The following FHIT variants were observed in gnomAD, a reference collection of about 807,000 sequenced individuals.
FHIT encodes the protein fragile histidine triad diadenosine triphosphatase.
Under a neutral mutation model 17.9 loss-of-function variants are expected in FHIT, and 19 were observed. The ratio of observed to expected loss-of-function variants is 1.06; its 90% confidence interval spans 0.74 to 1.56. The LOEUF is 1.56. FHIT is among the 40% of genes most tolerant of loss of function. The pLI, the probability that FHIT is intolerant of heterozygous loss-of-function variation, is 0.00. For missense variants in FHIT, 248 were observed against 189.2 expected (o/e 1.31, Z -1.82); for synonymous variants, 81 against 69.7 (o/e 1.16, Z -0.81).
chr3:59,820,981 T>G (rs1443349968), intron 8 of FHIT, among the ~76,000 whole-genome samples: 1 of 152,162 alleles, frequency 6.6e-6, no homozygotes, highest in Non-Finnish European at 1.5e-5. Flanking sequence ...AAGATGTTTA[T>G]GGGAAGGTGA....
chr3:60,140,300 C>T (rs1392569876), intron 5 of FHIT, among the ~76,000 whole-genome samples: 9 of 152,148 alleles, frequency 5.9e-5, no homozygotes, highest in Non-Finnish European at 1.2e-4. Flanking sequence ...ACCACAGCTA[C>T]TCCCCTCACA....
rs184630804 is a variant in FHIT at position 60,012,065 on chromosome 3, C to A, written c.250-665G>T. On this transcript the variant is annotated intron_variant, in intron 6 of 9. Coordinates refer to ENST00000492590, the MANE Select transcript of FHIT (RefSeq NM_002012.4). Reference sequence around the variant, plus strand: ...AATCAGAAATTCCAAAATAGAATTTCACCTCTGCAACTTTAGCCAGGTTTG... The same window carrying A: ...AATCAGAAATTCCAAAATAGAATTTAACCTCTGCAACTTTAGCCAGGTTTG... Among the ~76,000 whole-genome samples, 18 of 152,178 alleles carry A rather than the reference C, an allele frequency of 1.2e-4. No individual in the cohort carries two copies. The East Asian group carries it at 3.5e-3, about 29-fold the overall frequency.
intron 4 of FHIT, among the ~76,000 whole-genome samples, chr3:60,665,582 T>C (rs930201485): frequency 1.1e-4 from 17 of 152,124 alleles, no homozygotes; most frequent in African/African-American, 4.1e-4. Flanking sequence ...CAGATACTAG[T>C]ATAAGCACTC....
intron 8 of FHIT, among the ~76,000 whole-genome samples, chr3:59,839,268 A>G (rs1352851318): frequency 6.6e-6 from 1 of 151,478 alleles, no homozygotes; most frequent in Non-Finnish European, 1.5e-5. Flanking sequence ...CAGTGAGCTG[A>G]GATCATGCCA....
chr3:60,207,168 G>A (rs958629587), intron 5 of FHIT, among the ~76,000 whole-genome samples: 1 of 145,188 alleles, frequency 6.9e-6, no homozygotes, highest in African/African-American at 2.5e-5. Flanking sequence ...GTGTCAGTGT[G>A]CGTGTGTGTG....
intron 2 of FHIT, among the ~76,000 whole-genome samples, chr3:61,126,191 C>G (rs980739881): frequency 5.3e-5 from 8 of 152,002 alleles, no homozygotes; most frequent in Non-Finnish European, 1.0e-4. Context: ...CAGGCATCTA[C>G]TTGAGCCAGA....
chr3:60,917,419 T>G (rs985673037), intron 3 of FHIT, among the ~76,000 whole-genome samples: 1 of 152,238 alleles, frequency 6.6e-6, no homozygotes, highest in South Asian at 2.1e-4. Context: ...AATGATTTTC[T>G]AAAAAATATA....
At chr3:60,269,890 A>G (rs923537678) in intron 5 of FHIT, among the ~76,000 whole-genome samples, 1 of 152,238 alleles carries the variant, frequency 6.6e-6, no homozygotes, top group African/African-American at 2.4e-5. Context: ...TTACACCCCT[A>G]TGGGTGAACA....
rs1553664634 is a variant in FHIT, at chr3:60,592,268, C to CTCTA, written c.-17-55290_-17-55289insTAGA. Among the ~76,000 whole-genome samples the CTCTA allele has an allele frequency of 4.8e-5, 7 of 145,668 alleles. No individual in the cohort carries two copies. The South Asian group carries it at 8.6e-4, about 18-fold the overall frequency. On this transcript the variant is annotated intron_variant, in intron 4 of 9. Transcript: ENST00000492590. ...TATATATACTATATATACTCTCTCT[C>CTCTA]TATATATATATATATATAAAATCAT...
intron 4 of FHIT, among the ~76,000 whole-genome samples, chr3:60,574,536 G>A (rs2037500562): frequency 1.3e-5 from 2 of 151,994 alleles, no homozygotes; most frequent in Admixed American, 1.3e-4. Flanking sequence ...GGGATATATT[G>A]TGGAGCACTC....
chr3:60,791,092 T>A (rs782099031), intron 4 of FHIT, among the ~76,000 whole-genome samples: 11 of 152,180 alleles, frequency 7.2e-5, no homozygotes, highest in Admixed American at 1.3e-4. Flanking sequence ...GCTGGCCATT[T>A]GGTTTAGGAG....
intron 5 of FHIT, among the ~76,000 whole-genome samples, chr3:60,085,386 C>T (rs1291055299): frequency 6.6e-6 from 1 of 152,126 alleles, no homozygotes; most frequent in East Asian, 1.9e-4. Flanking sequence ...TCTACACTTA[C>T]ATTATATCTT....
intron 4 of FHIT, among the ~76,000 whole-genome samples, chr3:60,737,716 A>G (rs189737553): frequency 1.4e-4 from 21 of 152,266 alleles, no homozygotes; most frequent in African/African-American, 5.1e-4. Context: ...ATCTCTGTGA[A>G]ACCTTAAATG....
At chr3:60,287,518 T>C (rs1415196545) in intron 5 of FHIT, among the ~76,000 whole-genome samples, 1 of 152,214 alleles carries the variant, frequency 6.6e-6, no homozygotes, top group Admixed American at 6.5e-5. Context: ...ACTACATATA[T>C]GACAGTTTAT....
At chr3:60,854,756 C>A (rs1553749425) in intron 3 of FHIT, among the ~76,000 whole-genome samples, 1 of 152,136 alleles carries the variant, frequency 6.6e-6, no homozygotes, top group Non-Finnish European at 1.5e-5. Context: ...CCACATACAT[C>A]TGCCCAGCCA....
At chr3:60,819,031 TTCTTTTC>T (rs1559746539) in intron 4 of FHIT, among the ~76,000 whole-genome samples, 1 of 141,144 alleles carries the variant, frequency 7.1e-6, no homozygotes, top group Non-Finnish European at 1.6e-5. Flanking sequence ...CTTTTCTTTT[TTCTTTTC>T]TTTTTTTTTT....
At chr3:60,651,154 A>G (rs1009707699) in intron 4 of FHIT, among the ~76,000 whole-genome samples, 16 of 152,112 alleles carry the variant, frequency 1.1e-4, no homozygotes, top group African/African-American at 3.9e-4. Flanking sequence ...ATTATACATT[A>G]TTCTATGATG....
At chr3:61,190,177 T>C (rs1055142163) in intron 2 of FHIT, among the ~76,000 whole-genome samples, 8 of 152,164 alleles carry the variant, frequency 5.3e-5, no homozygotes, top group Non-Finnish European at 8.8e-5. Flanking sequence ...ATTTTTGCAA[T>C]CTACTCATCT....
At chr3:60,458,241 T>C (rs1489226869) in intron 5 of FHIT, among the ~76,000 whole-genome samples, 3 of 152,066 alleles carry the variant, frequency 2.0e-5, no homozygotes, top group Admixed American at 6.5e-5. Flanking sequence ...CACCATGGAA[T>C]ACTATGCAGC....
Sources: allele counts gnomAD v4.1 joint callset (sites outside exome capture counted in the v4.1 genomes callset), GRCh38; gene constraint gnomAD v4.1.1; transcripts MANE v1.5; gene names NCBI Gene and HGNC (gene_info 2026-07-23, HGNC 2026-07-21).